The following IER3IP1 variants were observed in gnomAD, a reference collection of about 807,000 sequenced individuals.
IER3IP1 encodes immediate early response 3 interacting protein 1.
IER3IP1 carries 16 observed loss-of-function variants against 12.2 expected under a neutral mutation model. The ratio of observed to expected loss-of-function variants is 1.31; its 90% CI spans 0.89 to 1.99. The LOEUF is 1.99. IER3IP1 is among the 30% of genes most tolerant of loss of function. The probability of loss-of-function intolerance (pLI) is 0.00; values close to 1 mark genes in which losing one functional copy is unlikely to be tolerated. For synonymous variants in IER3IP1, 42 were observed against 40.0 expected (o/e 1.05, Z -0.19); for missense variants, 95 against 95.8 (o/e 0.99, Z 0.03).
intron 1 of IER3IP1, among the ~76,000 whole-genome samples, chr18:47,158,579 C>T (rs189038462): frequency 1.0e-3 from 151 of 151,620 alleles, no homozygotes; most frequent in African/African-American, 3.0e-3. Flanking sequence ...TGGGCTCAAG[C>T]GATCGACCCA....
intron 1 of IER3IP1, among the ~76,000 whole-genome samples, chr18:47,165,096 C>T (rs1303987066): frequency 1.3e-5 from 2 of 152,106 alleles, no homozygotes; most frequent in Non-Finnish European, 2.9e-5. Flanking sequence ...CAGATCTCAG[C>T]CTCTCTGAGA....
At chr18:47,157,299 T>C in intron 2 of IER3IP1, 137 bp downstream of exon 2, 4 of 683,686 alleles carry the variant, frequency 5.9e-6, no homozygotes, top group Non-Finnish European at 1.0e-5. Context: ...ACCCAGTAAC[T>C]TTCAAGCAGC....
At position 47,154,554 on chromosome 18, in the gene IER3IP1, T is replaced by C. The variant is rs183744377; in HGVS notation, c.*1623A>G. 3.3e-5 allele frequency: 5 copies of C among 152,360 alleles called. 1 individual carries two copies. The highest frequency in any genetic ancestry group is 1.2e-4 in the African/African-American group (5 of 41,584). 9.4% of individuals were successfully genotyped at this position (152,360 alleles called of 1,614,324 possible). On this transcript the variant is annotated 3_prime_UTR_variant, in exon 3 of 3. Coordinates refer to ENST00000256433, the MANE Select transcript of IER3IP1 (RefSeq NM_016097.5). Reference sequence around the variant, plus strand: ...AAAAAATTTTGTACTGCTCATACCATATGGGGAAATGGGCCTGCCCTCAAG... The same window carrying C: ...AAAAAATTTTGTACTGCTCATACCACATGGGGAAATGGGCCTGCCCTCAAG...
At chr18:47,175,078 T>A (rs1026277133) in intron 1 of IER3IP1, among the ~76,000 whole-genome samples, 1 of 152,230 alleles carries the variant, frequency 6.6e-6, no homozygotes, top group Non-Finnish European at 1.5e-5. Flanking sequence ...TCAGTTACTA[T>A]AAATGGGCCT....
intron 1 of IER3IP1, among the ~76,000 whole-genome samples, chr18:47,173,044 GAC>G (rs2064020087): frequency 6.6e-6 from 1 of 152,100 alleles, no homozygotes; most frequent in African/African-American, 2.4e-5. Context: ...ATCTATGCTT[GAC>G]AAACTCAAAT....
intron 1 of IER3IP1, among the ~76,000 whole-genome samples, chr18:47,161,098 C>G (rs1430934186): frequency 6.6e-6 from 1 of 152,114 alleles, no homozygotes; most frequent in Non-Finnish European, 1.5e-5. Context: ...TAATTAATTC[C>G]TGACACGCTA....
chr18:47,153,599 G>A lies in IER3IP1; in HGVS notation c.*2578C>T, dbSNP rs930100957. On this transcript the variant is annotated 3_prime_UTR_variant, in exon 3 of 3. Transcript: ENST00000256433. Reference sequence around the variant, plus strand: ...CTGTTGTCCCCCTCCTTATGTCCATGAGGTCTTATCATTTAGCTCCCACTT... The same window carrying A: ...CTGTTGTCCCCCTCCTTATGTCCATAAGGTCTTATCATTTAGCTCCCACTT... 4 of 150,892 alleles carry A rather than the reference G, an allele frequency of 2.7e-5. No homozygotes were observed. Among genetic ancestry groups the A allele is most frequent in the Non-Finnish European group, 5.9e-5 (4 of 67,760 alleles). The allele number at this position is 150,892 out of a possible 1,614,324, so 9.3% of individuals were successfully genotyped here. A position where few individuals can be genotyped will look rare whatever the true frequency, so the allele number is the denominator to read the frequency against.
intron 2 of IER3IP1, among the ~76,000 whole-genome samples, chr18:47,156,637 T>C (rs1039470295): frequency 6.6e-6 from 1 of 152,146 alleles, no homozygotes; most frequent in Non-Finnish European, 1.5e-5. Flanking sequence ...TTATTTAACA[T>C]TGTATCCAAG....
Position 47,156,136 on chromosome 18 carries a change from T to C in IER3IP1, c.*41A>G. On this transcript the variant is annotated 3_prime_UTR_variant, in exon 3 of 3. Coordinates refer to ENST00000256433, the MANE Select transcript of IER3IP1 (RefSeq NM_016097.5). ...TAATGACCAAAGTAATAACTTCTAC[T>C]GGCATGTCCTCTTCTGAGTCTCCAT... 3 of 1,185,724 alleles carry C rather than the reference T, an allele frequency of 2.5e-6. No individual in the cohort carries two copies. The highest frequency in any genetic ancestry group is 3.8e-6 in the Non-Finnish European group (3 of 791,198). The allele number at this position is 1,185,724 out of a possible 1,614,324, so 73.5% of individuals were successfully genotyped here.
intron 1 of IER3IP1, among the ~76,000 whole-genome samples, chr18:47,158,691 T>C (rs2063969642): frequency 6.6e-6 from 1 of 151,734 alleles, no homozygotes; most frequent in Admixed American, 6.6e-5. Context: ...CTGGGCATGG[T>C]GACTCACGCC....
chr18:47,174,366 G>A (rs1568075108), intron 1 of IER3IP1, among the ~76,000 whole-genome samples: 1 of 152,176 alleles, frequency 6.6e-6, no homozygotes, highest in Non-Finnish European at 1.5e-5. Context: ...GTAAGTATTA[G>A]CTATTATTAT....
intron 2 of IER3IP1, chr18:47,156,746 A>C (rs1317308369): frequency 1.3e-5 from 2 of 151,990 alleles, no homozygotes; most frequent in Non-Finnish European, 2.9e-5. Context: ...ATTTTCCAAT[A>C]GAATGACAGA....
At chr18:47,170,205 T>C (rs1315573438) in intron 1 of IER3IP1, among the ~76,000 whole-genome samples, 6 of 152,132 alleles carry the variant, frequency 3.9e-5, no homozygotes, top group Non-Finnish European at 8.8e-5. Context: ...TTATTGAAAA[T>C]CAATTGATAT....
At chr18:47,162,551 C>T (rs1255733064) in intron 1 of IER3IP1, among the ~76,000 whole-genome samples, 1 of 152,072 alleles carries the variant, frequency 6.6e-6, no homozygotes, top group Non-Finnish European at 1.5e-5. Flanking sequence ...TCAAGCAGCT[C>T]TTGCTACATT....
intron 2 of IER3IP1, chr18:47,156,790 G>GTTTTTTTT (rs34039061): frequency 2.9e-5 from 3 of 102,914 alleles, no homozygotes; most frequent in East Asian, 2.6e-4. Flanking sequence ...TTCTTTTCTG[G>GTTTTTTTT]TTTTTTTTTT....
At chr18:47,167,602 ACAT>A (rs1401487535) in intron 1 of IER3IP1, among the ~76,000 whole-genome samples, 4 of 152,226 alleles carry the variant, frequency 2.6e-5, no homozygotes, top group Admixed American at 2.6e-4. Context: ...GATGCTACAG[ACAT>A]CATACAAATC....
chr18:47,168,147 AAAAAAAAAT>A (rs1230105048), intron 1 of IER3IP1, among the ~76,000 whole-genome samples: 19 of 144,180 alleles, frequency 1.3e-4, no homozygotes, highest in African/African-American at 4.7e-4. Flanking sequence ...AAAAAAAAAA[AAAAAAAAAT>A]TTTAGCTAGG....
chr18:47,157,889 T>C (rs2063966665), intron 1 of IER3IP1, among the ~76,000 whole-genome samples: 1 of 152,166 alleles, frequency 6.6e-6, no homozygotes, highest in Non-Finnish European at 1.5e-5. Context: ...CAAAGCATAC[T>C]GTCAAGCTAT....
chr18:47,157,098 T>C (rs1294868902), intron 2 of IER3IP1: 2 of 240,024 alleles, frequency 8.3e-6, no homozygotes, highest in East Asian at 1.1e-4. Context: ...AGCTTTCTCT[T>C]GGAAACCTCC....
Sources: gnomAD v4.1 joint callset for allele counts (sites outside exome capture counted in the v4.1 genomes callset) on GRCh38, gnomAD v4.1.1 for gene constraint, MANE v1.5 for transcripts, NCBI Gene and HGNC (gene_info 2026-07-23, HGNC 2026-07-21) for gene names.